The following KAT2B variants were observed in gnomAD, a reference collection of about 807,000 sequenced individuals.
KAT2B encodes the protein histone acetyltransferase KAT2B.
In KAT2B, 36 loss-of-function variants were observed where a neutral mutation model predicts 105.9. The observed-to-expected ratio is 0.34, with a 90% CI of 0.26 to 0.45. The LOEUF is 0.45. Among genes scored for constraint, KAT2B ranks in the 20% least tolerant of loss-of-function variants. The pLI is 1.00. For missense variants in KAT2B, 820 were observed against 1,021.6 expected (o/e 0.80, Z 2.69); for synonymous variants, 397 against 377.9 (o/e 1.05, Z -0.59).
chr3:20,059,872 G>C (rs1698069921), intron 1 of KAT2B, among the ~76,000 whole-genome samples: 1 of 152,228 alleles, frequency 6.6e-6, no homozygotes, highest in South Asian at 2.1e-4. Flanking sequence ...AAGGATCCTT[G>C]GGTCCATTTA....
In KAT2B at chr3:20,125,919, A is replaced by T; in HGVS notation, c.1428A>T (p.Ser476=). 6.2e-7 allele frequency: 1 copy of T among 1,613,732 alleles called. No homozygotes were observed. The highest frequency in any genetic ancestry group is 8.5e-7 in the Non-Finnish European group (1 of 1,179,954). The change falls in exon 10 of 18, where the codon TCA becomes TCT. Residue 476 remains serine (S), a synonymous_variant. Coordinates refer to ENST00000263754, the MANE Select transcript of KAT2B (RefSeq NM_003884.5). ...AMLGPETNFL[S]AHSARDEAAR... The stretch of plus-strand genomic sequence containing the variant: ...TTGCATCTCAGACCAATTTTCTGTC[A>T]GCACACTCGGCCAGGGATGAGGCGG...
intron 2 of KAT2B, among the ~76,000 whole-genome samples, chr3:20,088,017 G>T (rs979547708): frequency 6.6e-6 from 1 of 152,084 alleles, no homozygotes; most frequent in African/African-American, 2.4e-5. Context: ...GGCTCAAGCA[G>T]TCCTCCTACT....
intron 1 of KAT2B, among the ~76,000 whole-genome samples, chr3:20,057,332 C>T (rs1698019083): frequency 6.6e-6 from 1 of 152,138 alleles, no homozygotes; most frequent in South Asian, 2.1e-4. Flanking sequence ...TTCTGCTTTA[C>T]AGGTTGGGCT....
intron 2 of KAT2B, among the ~76,000 whole-genome samples, chr3:20,080,245 T>G (rs1362302281): frequency 6.6e-6 from 1 of 152,140 alleles, no homozygotes; most frequent in Non-Finnish European, 1.5e-5. Flanking sequence ...TTTCAAAGCT[T>G]TTCTCCAATT....
chr3:20,041,695 C>G (rs1247993421), intron 1 of KAT2B, among the ~76,000 whole-genome samples: 1 of 152,108 alleles, frequency 6.6e-6, no homozygotes, highest in African/African-American at 2.4e-5. Context: ...GGGGACTTGG[C>G]CTTGTCAGCT....
intron 5 of KAT2B, among the ~76,000 whole-genome samples, chr3:20,109,050 G>T (rs576379144): frequency 6.6e-6 from 1 of 152,178 alleles, no homozygotes; most frequent in East Asian, 1.9e-4. Context: ...TACCATCTAG[G>T]TTTGTGTAGG....
chr3:20,085,730 C>CT (rs1030440797), intron 2 of KAT2B, among the ~76,000 whole-genome samples: 4 of 152,028 alleles, frequency 2.6e-5, no homozygotes, highest in African/African-American at 7.2e-5. Context: ...AGGCTGGCCT[C>CT]TAACTCCTGA....
chr3:20,040,763 G>C lies in KAT2B; in HGVS notation c.286G>C (p.Val96Leu). 1.3e-6 allele frequency: 2 copies of C among 1,593,174 alleles called. No homozygotes were observed. Among genetic ancestry groups the C allele is most frequent in the Non-Finnish European group, 1.7e-6 (2 of 1,172,760 alleles). ...GGCCAAGAAACTGGAGAAACTCGGA[G>C]TGTACTCCGCCTGCAAGGTACGCGC... ...PRAKKLEKLG[V>L]YSACKAEESC... is the part of the protein sequence containing the mutation. The change falls in exon 1 of 18, where the codon GTG becomes CTG. Residue 96 changes from valine (V) to leucine (L), a missense_variant. Coordinates refer to ENST00000263754, the MANE Select transcript of KAT2B (RefSeq NM_003884.5).
intron 5 of KAT2B, among the ~76,000 whole-genome samples, chr3:20,103,258 G>A (rs1698940469): frequency 6.6e-6 from 1 of 151,938 alleles, no homozygotes; most frequent in Admixed American, 6.6e-5. Flanking sequence ...TTTTAATCCC[G>A]TCTGTGAACA....
Position 20,146,410 on chromosome 3 carries a change from T to C in KAT2B, c.2099T>C (p.Ile700Thr). 1.2e-6 allele frequency: 2 copies of C among 1,610,044 alleles called. No individual in the cohort carries two copies. The highest frequency in any genetic ancestry group is 1.7e-6 in the Non-Finnish European group (2 of 1,176,412). Residue 700 changes from isoleucine (I) to threonine (T), a missense_variant, in exon 14 of 18, where the codon ATA becomes ACA. Physicochemically the swap from Ile to Thr is moderately conservative, Grantham distance 89. Transcript: ENST00000263754. Reference protein sequence around the residue: ...CFKDGVRQIPIESIPGIRETG... With the variant: ...CFKDGVRQIPTESIPGIRETG... ...AAAGATGGAGTTCGACAGATTCCTA[T>C]AGAAAGCATTCCTGGAATTAGTACG...
chr3:20,048,039 A>G (rs1342926262), intron 1 of KAT2B, among the ~76,000 whole-genome samples: 1 of 152,188 alleles, frequency 6.6e-6, no homozygotes, highest in East Asian at 1.9e-4. Context: ...GCAAAGTACA[A>G]AGCATGGAGG....
chr3:20,083,859 G>C (rs1157942357), intron 2 of KAT2B, among the ~76,000 whole-genome samples: 2 of 152,152 alleles, frequency 1.3e-5, no homozygotes, highest in Non-Finnish European at 2.9e-5. Flanking sequence ...GCCATTTTGA[G>C]GAGGGCCATG....
intron 5 of KAT2B, among the ~76,000 whole-genome samples, chr3:20,108,940 C>A (rs1375490322): frequency 6.6e-6 from 1 of 152,120 alleles, no homozygotes; most frequent in Non-Finnish European, 1.5e-5. Context: ...CCTTCTACCC[C>A]CAGCCATGGA....
intron 1 of KAT2B, among the ~76,000 whole-genome samples, chr3:20,045,234 T>C (rs1402985272): frequency 6.6e-6 from 1 of 152,066 alleles, no homozygotes; most frequent in African/African-American, 2.4e-5. Flanking sequence ...GCCAGGCTGG[T>C]TTCCAACTCC....
rs1699125156 is a variant in KAT2B, at chr3:20,111,722, A to G, written c.978A>G (p.Gln326=). Residue 326 remains glutamine (Q), a synonymous_variant, in exon 6 of 18, where the codon CAA becomes CAG. Transcript: ENST00000263754. ...TTATGAGGCGACAACTCCTGGAACAAGCAAGACAGGAAAAAGATAAACTGC... is the reference window on the plus strand; with the variant it reads ...TTATGAGGCGACAACTCCTGGAACAGGCAAGACAGGAAAAAGATAAACTGC... ...FTVMRRQLLE[Q]ARQEKDKLPL... The G allele has an allele frequency of 1.2e-6, 2 of 1,614,124 alleles. No homozygotes were observed. Among genetic ancestry groups the G allele is most frequent in the Non-Finnish European group, 1.7e-6 (2 of 1,179,982 alleles).
Position 20,143,259 on chromosome 3 carries a change from G to C in KAT2B, c.2004+2895G>C, listed in dbSNP as rs544137351. On this transcript the variant is annotated intron_variant, in intron 13 of 17. Coordinates refer to ENST00000263754, the MANE Select transcript of KAT2B (RefSeq NM_003884.5). Reference sequence around the variant, plus strand: ...TAGGGAGTTGAAGATATTTTCTAGGGAGGTGAAGTTAATACACTAGAACAC... The same window carrying C: ...TAGGGAGTTGAAGATATTTTCTAGGCAGGTGAAGTTAATACACTAGAACAC... 3.9e-5 allele frequency among the ~76,000 whole-genome samples: 6 copies of C among 152,242 alleles called. No homozygotes were observed. The East Asian group carries it at 1.2e-3, about 29-fold the overall frequency.
chr3:20,149,824 T>G (rs1407116875), intron 17 of KAT2B, among the ~76,000 whole-genome samples: 1 of 152,198 alleles, frequency 6.6e-6, no homozygotes, highest in African/African-American at 2.4e-5. Flanking sequence ...GTCCACTATG[T>G]GCAAAATATG....
intron 1 of KAT2B, among the ~76,000 whole-genome samples, chr3:20,055,060 G>A (rs1431644976): frequency 6.6e-6 from 1 of 152,004 alleles, no homozygotes; most frequent in African/African-American, 2.4e-5. Context: ...GGGTGGGAGA[G>A]AGACCCAGCC....
intron 5 of KAT2B, among the ~76,000 whole-genome samples, chr3:20,106,841 C>G (rs1699014596): frequency 6.7e-6 from 1 of 150,330 alleles, no homozygotes; most frequent in Admixed American, 6.7e-5. Flanking sequence ...GACTCTAAAT[C>G]AGCACTGTCC....
Sources: gnomAD v4.1 joint callset for allele counts (sites outside exome capture counted in the v4.1 genomes callset) on GRCh38, gnomAD v4.1.1 for gene constraint, MANE v1.5 for transcripts, NCBI Gene and HGNC (gene_info 2026-07-23, HGNC 2026-07-21) for gene names.